DMBT1: variants seen among roughly 807,000 people sequenced by gnomAD.
DMBT1 encodes the protein scavenger receptor cysteine-rich domain-containing protein DMBT1.
A neutral mutation model predicts 252.9 loss-of-function variants in DMBT1; 198 were observed. That is an observed-to-expected ratio of 0.78 (90% CI 0.70 to 0.88). DMBT1 has a LOEUF of 0.88. DMBT1 is among the 40% of genes least tolerant of loss of function. DMBT1 has a pLI of 0.00. For synonymous variants in DMBT1, 990 were observed against 942.7 expected (o/e 1.05, Z -0.92); for missense variants, 2,432 against 2,404.7 (o/e 1.01, Z -0.24).
Position 122,587,705 on chromosome 10 carries a change from C to T in DMBT1, c.1784-1239C>T, listed in dbSNP as rs1035485548. ...TACATGCGGAAAGGCAGAGGCCGTG[C>T]TCAGGCAAGGAGAGAGATATTAGAT... is the stretch of plus-strand genomic sequence containing the variant. On this transcript the variant is annotated intron_variant, in intron 16 of 55. Transcript: ENST00000338354. Among the ~76,000 whole-genome samples, 4 of 148,590 alleles carry T rather than the reference C, an allele frequency of 2.7e-5. 1 individual carries two copies. The highest frequency in any genetic ancestry group is 9.7e-5 in the African/African-American group (4 of 41,120).
intron 47 of DMBT1, 63 bp from the exon 48 acceptor site, chr10:122,630,225 A>C (rs985726359): frequency 6.5e-7 from 1 of 1,537,384 alleles, no homozygotes; most frequent in East Asian, 2.3e-5. Flanking sequence ...AGTGCAAACT[A>C]TTTATAAAAT....
At chr10:122,572,721 G>T (rs535599655) in intron 5 of DMBT1, among the ~76,000 whole-genome samples, 2 of 152,234 alleles carry the variant, frequency 1.3e-5, no homozygotes, top group East Asian at 1.9e-4. Context: ...CAGCCCCTCA[G>T]AGCCTGCTGA....
chr10:122,629,759 A>T, intron 46 of DMBT1, 81 bp from the exon 47 acceptor site: 2 of 1,497,752 alleles, frequency 1.3e-6, no homozygotes, highest in Non-Finnish European at 1.8e-6. Context: ...ATGAAACTGG[A>T]TGATACTTAC....
At chr10:122,624,819 A>C (rs956445228) in intron 44 of DMBT1, among the ~76,000 whole-genome samples, 3 of 152,206 alleles carry the variant, frequency 2.0e-5, no homozygotes, top group African/African-American at 7.2e-5. Context: ...AGCTGTCAGC[A>C]CAGTGAAGAT....
In DMBT1 at chr10:122,618,241, C is replaced by T. The variant is rs367653910; in HGVS notation, c.5116C>T (p.Arg1706Cys). ...AGGACCCATTGTCCTGGATGATGTG[C>T]GCTGCTCAGGACACGAGTCTTACCT... ...GSGPIVLDDVRCSGHESYLWS... is the reference protein window; with the variant it reads ...GSGPIVLDDVCCSGHESYLWS... The change falls in exon 41 of 56, where the codon CGC becomes TGC. Residue 1706 changes from arginine (R) to cysteine (C), a missense_variant. Physicochemically the swap from Arg to Cys is radical, Grantham distance 180. Around this residue, in one of 3 missense-constraint regions of DMBT1, gnomAD observed 1,162 missense variants for 1,169.0 expected, o/e 0.99. Coordinates refer to ENST00000338354, the MANE Select transcript of DMBT1 (RefSeq NM_001377530.1). 65 of 1,613,750 alleles carry T rather than the reference C, an allele frequency of 4.0e-5. No homozygotes were observed. The highest frequency in any genetic ancestry group is 2.2e-4 in the East Asian group (10 of 44,848).
chr10:122,571,327 T>A (rs530605224), intron 4 of DMBT1, among the ~76,000 whole-genome samples: 1 of 152,290 alleles, frequency 6.6e-6, no homozygotes, highest in East Asian at 1.9e-4. Flanking sequence ...AATCACCTTG[T>A]GGACTGGTTC....
In DMBT1 at chr10:122,586,365, G is replaced by T. The variant is rs780053149; in HGVS notation, c.1765G>T (p.Ala589Ser). 1 of 1,588,622 alleles carries T rather than the reference G, an allele frequency of 6.3e-7. No homozygotes were observed. Among genetic ancestry groups the T allele is most frequent in the African/African-American group, 1.3e-5 (1 of 74,650 alleles). The part of the protein sequence containing the change: ...LSHNCGHSED[A>S]GVICSGPESS... The stretch of plus-strand genomic sequence containing the variant: ...CCATAACTGTGGCCATAGTGAAGAC[G>T]CTGGTGTCATCTGCTCAGGTGGGCC... The change falls in exon 16 of 56, where the codon GCT becomes TCT. Residue 589 changes from alanine to serine, a missense_variant. Transcript: ENST00000338354.
In DMBT1 at chr10:122,619,234, C is replaced by A. The variant is rs1001433966; in HGVS notation, c.5216-74C>A. On this transcript the variant is annotated intron_variant, in intron 41 of 55. Coordinates refer to ENST00000338354, the MANE Select transcript of DMBT1 (RefSeq NM_001377530.1). ...ACTGAGTGTCAGGCTTGCCCAGTTC[C>A]TTCTATCTTTGTTCCAGTTTTGCCA... 4.4e-6 allele frequency: 7 copies of A among 1,592,572 alleles called. No individual in the cohort carries two copies. The Admixed American group carries it at 6.7e-5, about 15-fold the overall frequency.
intron 41 of DMBT1, 55 bp downstream of exon 41, chr10:122,618,395 A>G (rs1490977666): frequency 1.2e-6 from 2 of 1,612,998 alleles, no homozygotes; most frequent in Non-Finnish European, 1.7e-6. Flanking sequence ...GCTCAGGAAG[A>G]AAATCCTAAT....
chr10:122,622,904 T>A (rs1469398038), intron 44 of DMBT1, among the ~76,000 whole-genome samples: 2 of 152,212 alleles, frequency 1.3e-5, no homozygotes, highest in Non-Finnish European at 2.9e-5. Context: ...TTTGATACTA[T>A]CTGCTCTTTG....
chr10:122,566,049 T>C, intron 2 of DMBT1, 53 bp downstream of exon 2: 1 of 1,579,216 alleles, frequency 6.3e-7, no homozygotes, highest in South Asian at 1.1e-5. Flanking sequence ...AGTTCTCCTC[T>C]GCTACTGTTG....
rs201533269 is a variant in DMBT1, at chr10:122,621,353, C to T, written c.5581C>T (p.His1861Tyr). The stretch of plus-strand genomic sequence containing the variant: ...CTGGCTCACCCACAACTGTGGCCAT[C>T]ACGAAGACGCTGGTGTCATCTGCTC... ...KGWLTHNCGH[H>Y]EDAGVICSAT... is the part of the protein sequence containing the mutation. Residue 1861 changes from histidine to tyrosine, a missense_variant, in exon 44 of 56, where the codon CAC (histidine) becomes TAC (tyrosine). Around this residue, in one of 3 missense-constraint regions of DMBT1, gnomAD observed 1,162 missense variants for 1,169.0 expected, o/e 0.99. Transcript: ENST00000338354. 1 of 1,613,794 alleles carries T rather than the reference C, an allele frequency of 6.2e-7. No individual in the cohort carries two copies. Among genetic ancestry groups the T allele is most frequent in the Non-Finnish European group, 8.5e-7 (1 of 1,179,726 alleles).
chr10:122,575,451 G>T (rs2097704071), intron 6 of DMBT1, among the ~76,000 whole-genome samples: 2 of 152,260 alleles, frequency 1.3e-5, no homozygotes, highest in South Asian at 4.1e-4. Flanking sequence ...TGGCTCCTCA[G>T]CAGATCCTAG....
At chr10:122,618,630 A>G (rs1404864293) in intron 41 of DMBT1, among the ~76,000 whole-genome samples, 1 of 152,168 alleles carries the variant, frequency 6.6e-6, no homozygotes, top group Non-Finnish European at 1.5e-5. Flanking sequence ...CCACGGCTCC[A>G]TTTCTTCCCT....
In DMBT1 at chr10:122,631,083, G is replaced by A; in HGVS notation, c.6148G>A (p.Glu2050Lys). 3 of 1,614,014 alleles carry A rather than the reference G, an allele frequency of 1.9e-6. No individual in the cohort carries two copies. Among genetic ancestry groups the A allele is most frequent in the African/African-American group, 1.3e-5 (1 of 75,064 alleles). Reference protein sequence around the residue: ...CDDSWTIQEAEVVCRQLGCGR... With the variant: ...CDDSWTIQEAKVVCRQLGCGR... ...TGACTCCTGGACCATTCAGGAAGCT[G>A]AGGTGGTCTGCAGACAGCTAGGGTG... The change falls in exon 49 of 56, where the codon GAG becomes AAG. Residue 2050 changes from glutamate (E) to lysine (K), a missense_variant. By Grantham distance (56) the Glu-to-Lys change is moderately conservative. Around this residue, in one of 3 missense-constraint regions of DMBT1, gnomAD observed 1,162 missense variants for 1,169.0 expected, o/e 0.99. Transcript: ENST00000338354.
In DMBT1 at chr10:122,618,083, T is replaced by A; in HGVS notation, c.4958T>A (p.Val1653Asp). 1 of 1,613,618 alleles carries A rather than the reference T, an allele frequency of 6.2e-7. No homozygotes were observed. Among genetic ancestry groups the A allele is most frequent in the Non-Finnish European group, 8.5e-7 (1 of 1,179,822 alleles). The change falls in exon 41 of 56, where the codon GTC becomes GAC. Residue 1653 changes from valine (V) to aspartate (D), a missense_variant. Val to Asp is a radical substitution (Grantham distance 152). This residue lies in a region of DMBT1 where 1,162 missense variants were observed against 1,169.0 expected (regional missense o/e 0.99). Transcript: ENST00000338354. ...GGDRCRGRVE[V>D]LYQGSWGTVC... ...GACAGGTGTCGAGGCCGAGTGGAGG[T>A]CCTATACCAAGGCTCCTGGGGCACC...
chr10:122,625,341 T>G (rs975150839), intron 45 of DMBT1, 38 bp downstream of exon 45: 1 of 1,588,652 alleles, frequency 6.3e-7, no homozygotes. Flanking sequence ...ATATTTCTCT[T>G]GGGAATTCCA....
At chr10:122,618,397 A>T in intron 41 of DMBT1, 57 bp downstream of exon 41, 2 of 1,612,864 alleles carry the variant, frequency 1.2e-6, no homozygotes, top group Non-Finnish European at 1.7e-6. Context: ...TCAGGAAGAA[A>T]ATCCTAATTA....
chr10:122,598,751 A>G (rs1334286117), intron 25 of DMBT1, 23 bp from the exon 26 acceptor site: 2 of 1,612,562 alleles, frequency 1.2e-6, no homozygotes, highest in Admixed American at 3.3e-5. Flanking sequence ...GGATGGATGA[A>G]GGATTCTTGT....
Sources: gnomAD v4.1 joint callset for allele counts (sites outside exome capture counted in the v4.1 genomes callset) on GRCh38, gnomAD v4.1.1 for gene constraint, gnomAD v4.1.1 regional missense constraint, MANE v1.5 for transcripts, NCBI Gene and HGNC (gene_info 2026-07-23, HGNC 2026-07-21) for gene names.